Variants in SHQ1 observed in about 807,000 individuals in gnomAD.
SHQ1 encodes the protein SHQ1, H/ACA ribonucleoprotein assembly factor.
In SHQ1, 49 loss-of-function variants were observed where a neutral mutation model predicts 53.8. The ratio of observed to expected loss-of-function variants is 0.91; its 90% CI spans 0.72 to 1.16. SHQ1 has a LOEUF of 1.16. Among genes scored for constraint, SHQ1 ranks in the 50% most tolerant of loss-of-function variants. The probability of loss-of-function intolerance (pLI) is 0.00; values close to 1 mark genes in which losing one functional copy is unlikely to be tolerated. For synonymous variants in SHQ1, 243 were observed against 251.0 expected (o/e 0.97, Z 0.30); for missense variants, 738 against 683.1 (o/e 1.08, Z -0.90).
chr3:72,729,177 A>C, the SHQ1 span, among the ~76,000 whole-genome samples: 1 of 152,212 alleles, frequency 6.6e-6, no homozygotes, highest in Non-Finnish European at 1.5e-5. Flanking sequence ...CTTGTGTGCC[A>C]GGAGCATAAA....
chr3:72,761,111 A>G (rs904757838), intron 10 of SHQ1, among the ~76,000 whole-genome samples: 15 of 152,212 alleles, frequency 9.9e-5, no homozygotes, highest in Non-Finnish European at 1.8e-4. Flanking sequence ...TATATCTGAC[A>G]CAGACTACAG....
intron 10 of SHQ1, among the ~76,000 whole-genome samples, chr3:72,782,450 A>G (rs987066680): frequency 6.6e-6 from 1 of 152,358 alleles, no homozygotes; most frequent in Admixed American, 6.5e-5. Context: ...CCAACACTCC[A>G]TGCCCAAAGA....
chr3:72,824,448 CCTGA>C lies in SHQ1; in HGVS notation c.699_702del (p.Ser233ArgfsTer9), dbSNP rs780303247. On this transcript the variant is annotated frameshift_variant, in exon 6 of 11. Transcript: ENST00000325599. LOFTEE classifies it high-confidence loss of function. ...CCTAATGTAGCATGATTTTCTTGTT[CCTGA>C]CTCTTTTCCAAAAAGGCCATCATTT... 7 of 1,611,658 alleles carry C rather than the reference CCTGA, an allele frequency of 4.3e-6. No homozygotes were observed. The highest frequency in any genetic ancestry group is 3.3e-5 in the South Asian group (3 of 90,608).
At chr3:72,792,155 T>C (rs1272405024) in intron 10 of SHQ1, among the ~76,000 whole-genome samples, 1 of 152,216 alleles carries the variant, frequency 6.6e-6, no homozygotes, top group East Asian at 1.9e-4. Flanking sequence ...AGCTCTCATC[T>C]GGATTCAACT....
chr3:72,820,424 A>G (rs1227072646), intron 6 of SHQ1, among the ~76,000 whole-genome samples: 1 of 152,232 alleles, frequency 6.6e-6, no homozygotes, highest in Non-Finnish European at 1.5e-5. Context: ...ACACAAATGC[A>G]TTTAAATTCT....
chr3:72,815,494 G>T, intron 7 of SHQ1, 91 bp from the exon 8 acceptor site: 1 of 956,956 alleles, frequency 1.0e-6, no homozygotes. Context: ...ACCAGTGTCT[G>T]AGGATCACTG....
At chr3:72,843,944 G>T (rs1256646025) in intron 2 of SHQ1, among the ~76,000 whole-genome samples, 1 of 152,176 alleles carries the variant, frequency 6.6e-6, no homozygotes, top group Non-Finnish European at 1.5e-5. Context: ...GCCTTTAAAT[G>T]CCACCCATGC....
the SHQ1 span, among the ~76,000 whole-genome samples, chr3:72,738,184 G>A: frequency 6.6e-6 from 1 of 152,240 alleles, no homozygotes; most frequent in East Asian, 1.9e-4. Flanking sequence ...CCTACTCACT[G>A]AGTCCTTAGT....
Position 72,750,164 on chromosome 3 carries a change from CAAA to C in SHQ1, c.*117_*119del. 1.1e-6 allele frequency: 1 copy of C among 877,386 alleles called. No homozygotes were observed. The highest frequency in any genetic ancestry group is 1.8e-6 in the Non-Finnish European group (1 of 569,496). The allele number at this position is 877,386 out of a possible 1,614,324, so 54.4% of individuals were successfully genotyped here. A position where few individuals can be genotyped will look rare whatever the true frequency, so the allele number is the denominator to read the frequency against. On this transcript the variant is annotated 3_prime_UTR_variant, in exon 11 of 11. Coordinates refer to ENST00000325599, the MANE Select transcript of SHQ1 (RefSeq NM_018130.3). Reference sequence around the variant, plus strand: ...GTTGAATCCACAGATGTGGAACACACAAATACAGTGGGCTGACTATATACTAAG... The same window carrying C: ...GTTGAATCCACAGATGTGGAACACACTACAGTGGGCTGACTATATACTAAG...
At chr3:72,781,673 C>T (rs1216459011) in intron 10 of SHQ1, among the ~76,000 whole-genome samples, 1 of 152,062 alleles carries the variant, frequency 6.6e-6, no homozygotes, top group African/African-American at 2.4e-5. Flanking sequence ...CAATCCCAGC[C>T]CTGCCATAAC....
chr3:72,737,752 T>A, the SHQ1 span, among the ~76,000 whole-genome samples: 1 of 152,200 alleles, frequency 6.6e-6, no homozygotes, highest in Non-Finnish European at 1.5e-5. Flanking sequence ...CAGTATGGAA[T>A]TATCCTTTTT....
intron 5 of SHQ1, among the ~76,000 whole-genome samples, chr3:72,827,545 C>A (rs1254271903): frequency 6.6e-6 from 1 of 152,078 alleles, no homozygotes. Flanking sequence ...CCCTCCCCAC[C>A]AAAAACACCT....
At chr3:72,846,106 C>G in intron 1 of SHQ1, 1 of 1,105,066 alleles carries the variant, frequency 9.0e-7, no homozygotes, top group Non-Finnish European at 1.3e-6. Flanking sequence ...GTGGCCGGCA[C>G]AACAGGTGAG....
At position 72,846,280 on chromosome 3, in the gene SHQ1, T is replaced by C. The variant is rs534105329; in HGVS notation, c.144-1857A>G. 1.8e-3 allele frequency: 2,755 copies of C among 1,533,954 alleles called. 8 individuals carry two copies. Among genetic ancestry groups the C allele is most frequent in the Non-Finnish European group, 2.2e-3 (2,481 of 1,146,700 alleles). On this transcript the variant is annotated intron_variant, in intron 1 of 10. Coordinates refer to ENST00000325599, the MANE Select transcript of SHQ1 (RefSeq NM_018130.3). ...GGGACCAGGTTTTATTCATCCTTGG[T>C]ATAGCAAACTGTATGTTCTTTTTTT... is the stretch of plus-strand genomic sequence containing the variant.
chr3:72,772,008 G>T (rs573453155), intron 10 of SHQ1, among the ~76,000 whole-genome samples: 2 of 152,214 alleles, frequency 1.3e-5, no homozygotes, highest in African/African-American at 4.8e-5. Context: ...AGTGCAGGGG[G>T]AATTAATCCA....
intron 10 of SHQ1, among the ~76,000 whole-genome samples, chr3:72,758,001 T>A (rs891276216): frequency 1.3e-5 from 2 of 152,256 alleles, no homozygotes; most frequent in African/African-American, 4.8e-5. Context: ...AGGGCTTTTA[T>A]GATAATGACA....
chr3:72,770,260 A>C lies in SHQ1; in HGVS notation c.1182-19424T>G, dbSNP rs145174528. 5.5e-3 allele frequency among the ~76,000 whole-genome samples: 843 copies of C among 152,368 alleles called. 8 individuals carry two copies. Among genetic ancestry groups the C allele is most frequent in the African/African-American group, 0.018 (751 of 41,586 alleles). ...CCCCCATTTTATGGATAGCAGAAGC[A>C]CAGAGAGTTTAAATGGCTTGTCCAA... On this transcript the variant is annotated intron_variant, in intron 10 of 10. Transcript: ENST00000325599.
intron 4 of SHQ1, among the ~76,000 whole-genome samples, chr3:72,833,508 A>T (rs915256525): frequency 4.8e-3 from 200 of 41,524 alleles, no homozygotes; most frequent in East Asian, 0.02. Context: ...ATAGACAGAC[A>T]GACAGACAGA....
At chr3:72,816,911 C>G (rs1707336282) in intron 7 of SHQ1, among the ~76,000 whole-genome samples, 1 of 152,164 alleles carries the variant, frequency 6.6e-6, no homozygotes, top group Admixed American at 6.5e-5. Flanking sequence ...TGTCATGTGA[C>G]AGAGCACTTC....
Sources: gnomAD v4.1 joint callset for allele counts (sites outside exome capture counted in the v4.1 genomes callset) on GRCh38, gnomAD v4.1.1 for gene constraint, MANE v1.5 for transcripts, NCBI Gene and HGNC (gene_info 2026-07-23, HGNC 2026-07-21) for gene names.